SLC7A11: variants seen among roughly 807,000 people sequenced by gnomAD.
SLC7A11 encodes the protein solute carrier family 7 member 11, also known as cystine/glutamate transporter.
Under a neutral mutation model 54.5 loss-of-function variants are expected in SLC7A11, and 35 were observed. That is an observed-to-expected ratio of 0.64 (90% CI 0.49 to 0.85). SLC7A11 has a LOEUF of 0.85. Ranked by LOEUF, SLC7A11 falls within the 40% of genes least tolerant of loss-of-function variation. The probability of loss-of-function intolerance (pLI) is 0.00; values close to 1 mark genes in which losing one functional copy is unlikely to be tolerated. For missense variants in SLC7A11, 583 were observed against 618.1 expected, an observed-to-expected ratio of 0.94 and a Z score of 0.60; for synonymous variants, 230 against 225.2, an observed-to-expected ratio of 1.02 and a Z score of -0.19.
intron 6 of SLC7A11, among the ~76,000 whole-genome samples, chr4:138,199,923 G>A (rs1737237242): frequency 6.6e-6 from 1 of 152,074 alleles, no homozygotes; most frequent in African/African-American, 2.4e-5. Context: ...TTGGCAAGAG[G>A]ACACTGCACT....
At chr4:138,184,386 CA>C (rs2148414658) in intron 7 of SLC7A11, among the ~76,000 whole-genome samples, 1 of 152,120 alleles carries the variant, frequency 6.6e-6, no homozygotes, top group East Asian at 1.9e-4. Flanking sequence ...GTTATGAGGT[CA>C]AGAGTGAATG....
intron 4 of SLC7A11, among the ~76,000 whole-genome samples, chr4:138,221,391 T>C (rs75518220): frequency 0.079 from 12,047 of 152,264 alleles, 522 homozygotes; most frequent in African/African-American, 0.098. Flanking sequence ...ACAATCTGTA[T>C]TAACAAAGTC....
At chr4:138,179,196 G>A (rs1232987913) in intron 11 of SLC7A11, 21 bp downstream of exon 11, 1 of 1,532,584 alleles carries the variant, frequency 6.5e-7, no homozygotes. Flanking sequence ...ACAATGTCCT[G>A]AAAGTATTTA....
In SLC7A11 at chr4:138,241,912, A is replaced by G; in HGVS notation, c.158T>C (p.Ile53Thr). The change falls in exon 1 of 12, where the codon ATC (isoleucine) becomes ACC (threonine). Residue 53 changes from isoleucine (I) to threonine (T), a missense_variant. Coordinates refer to ENST00000280612, the MANE Select transcript of SLC7A11 (RefSeq NM_014331.4). ...KVTLLRGVSIIIGTIIGAGIF... is the reference protein window; with the variant it reads ...KVTLLRGVSITIGTIIGAGIF... ...TCCTGCTCCAATGATGGTGCCAATG[A>G]TAATGGAGACTCCCCTCAGTAAAGT... 1 of 1,614,006 alleles carries G rather than the reference A, an allele frequency of 6.2e-7. No homozygotes were observed. The highest frequency in any genetic ancestry group is 8.5e-7 in the Non-Finnish European group (1 of 1,179,934).
chr4:138,211,666 AAT>A (rs1242812244), intron 6 of SLC7A11, among the ~76,000 whole-genome samples: 1 of 151,992 alleles, frequency 6.6e-6, no homozygotes, highest in Non-Finnish European at 1.5e-5. Flanking sequence ...GGATACAGAA[AAT>A]ATATATAAAC....
At chr4:138,239,168 A>G (rs187655795) in intron 1 of SLC7A11, among the ~76,000 whole-genome samples, 30 of 152,252 alleles carry the variant, frequency 2.0e-4, no homozygotes, top group Admixed American at 2.0e-3. Context: ...TCCAATATAA[A>G]ATGTTATTGG....
chr4:138,215,070 G>T (rs781413883), intron 5 of SLC7A11, among the ~76,000 whole-genome samples: 7 of 152,096 alleles, frequency 4.6e-5, no homozygotes, highest in Admixed American at 2.0e-4. Flanking sequence ...TCCAGACTGA[G>T]AATAGCACAC....
chr4:138,183,728 GAT>G (rs1560719860), intron 7 of SLC7A11, among the ~76,000 whole-genome samples: 1 of 152,098 alleles, frequency 6.6e-6, no homozygotes, highest in Non-Finnish European at 1.5e-5. Context: ...AAGTATTACA[GAT>G]ATGTGTTTCA....
rs1736764135 is a variant in SLC7A11 at position 138,182,375 on chromosome 4, A to G, written c.1038T>C (p.Ser346=). 1 of 1,608,638 alleles carries G rather than the reference A, an allele frequency of 6.2e-7. No individual in the cohort carries two copies. Among genetic ancestry groups the G allele is most frequent in the South Asian group, 1.1e-5 (1 of 90,930 alleles). The change falls in exon 9 of 12, where the codon TCT becomes TCC. Residue 346 remains serine (S), a synonymous_variant. Transcript: ENST00000280612. The part of the protein sequence containing the change: ...FAVSRLFYVA[S]REGHLPEILS... ...GGATTTCTGGAAGGTGACCCTCTCG[A>G]GACGCAACATAGAATAACCTGATGG...
intron 5 of SLC7A11, among the ~76,000 whole-genome samples, chr4:138,216,997 T>C (rs1410134318): frequency 1.3e-5 from 2 of 152,202 alleles, no homozygotes; most frequent in Admixed American, 1.3e-4. Flanking sequence ...TTAGCCTCCA[T>C]CTTGTTTCAT....
intron 6 of SLC7A11, among the ~76,000 whole-genome samples, chr4:138,194,744 C>G (rs1737091099): frequency 6.6e-6 from 1 of 152,146 alleles, no homozygotes; most frequent in African/African-American, 2.4e-5. Context: ...GTCATGTCCC[C>G]ATCACTAGCA....
intron 11 of SLC7A11, among the ~76,000 whole-genome samples, chr4:138,172,396 C>T (rs1389161175): frequency 6.6e-6 from 1 of 152,156 alleles, no homozygotes; most frequent in Non-Finnish European, 1.5e-5. Flanking sequence ...ACAATCAGTT[C>T]CTCAGAAGAA....
At chr4:138,212,829 A>C (rs897634088) in intron 6 of SLC7A11, among the ~76,000 whole-genome samples, 1 of 151,958 alleles carries the variant, frequency 6.6e-6, no homozygotes, top group Non-Finnish European at 1.5e-5. Context: ...TCATATAATA[A>C]ATGTTATGTT....
At chr4:138,225,070 A>C (rs1238997706) in intron 3 of SLC7A11, among the ~76,000 whole-genome samples, 1 of 148,380 alleles carries the variant, frequency 6.7e-6, no homozygotes, top group East Asian at 2.0e-4. Context: ...AGAACAAAAC[A>C]AAAAAAAGAG....
chr4:138,237,188 G>A (rs1016728770), intron 1 of SLC7A11, among the ~76,000 whole-genome samples: 1 of 151,238 alleles, frequency 6.6e-6, no homozygotes, highest in Non-Finnish European at 1.5e-5. Flanking sequence ...GGGGTTTCAT[G>A]GTGTTAGCCA....
chr4:138,227,682 A>G (rs1269936868), intron 3 of SLC7A11, among the ~76,000 whole-genome samples: 1 of 152,200 alleles, frequency 6.6e-6, no homozygotes, highest in Non-Finnish European at 1.5e-5. Context: ...CACTTTTACC[A>G]TTAGTTCCCA....
Position 138,180,366 on chromosome 4 carries a change from T to A in SLC7A11, c.1266+275A>T, listed in dbSNP as rs191056642. 7.4e-4 allele frequency among the ~76,000 whole-genome samples: 113 copies of A among 152,218 alleles called. 2 individuals are homozygous for A. In the East Asian group the frequency reaches 0.021, roughly 28 times the overall value. On this transcript the variant is annotated intron_variant, in intron 10 of 11. Coordinates refer to ENST00000280612, the MANE Select transcript of SLC7A11 (RefSeq NM_014331.4). ...GAGTATATCAGGTCATTGAACACATTCATGAAAAATCAACATACCAAACAT... is the reference window on the plus strand; with the variant it reads ...GAGTATATCAGGTCATTGAACACATACATGAAAAATCAACATACCAAACAT...
At chr4:138,219,120 A>C in intron 5 of SLC7A11, 146 bp downstream of exon 5, 1 of 563,420 alleles carries the variant, frequency 1.8e-6, no homozygotes, top group Non-Finnish European at 3.1e-6. Context: ...GGAGGGGATA[A>C]TACCTTATTT....
At chr4:138,220,638 T>C (rs1737789143) in intron 4 of SLC7A11, among the ~76,000 whole-genome samples, 1 of 152,212 alleles carries the variant, frequency 6.6e-6, no homozygotes, top group South Asian at 2.1e-4. Context: ...TCAGATTTAC[T>C]TTAGTCAGTC....
Sources: gnomAD v4.1 joint callset for allele counts (sites outside exome capture counted in the v4.1 genomes callset) on GRCh38, gnomAD v4.1.1 for gene constraint, MANE v1.5 for transcripts, NCBI Gene and HGNC (gene_info 2026-07-23, HGNC 2026-07-21) for gene names.